Variants in ARHGAP29 observed in about 807,000 individuals in gnomAD.
The protein encoded by ARHGAP29 is Rho GTPase activating protein 29, also known as rho GTPase-activating protein 29.
ARHGAP29 carries 43 observed loss-of-function variants against 122.6 expected under a neutral mutation model. The ratio of observed to expected loss-of-function variants is 0.35; its 90% CI spans 0.27 to 0.45. The LOEUF (loss-of-function observed/expected upper bound fraction) is 0.45, where lower values mean the gene tolerates loss of function less well. ARHGAP29 is among the 20% of genes least tolerant of loss of function. ARHGAP29 has a pLI of 1.00. For synonymous variants in ARHGAP29, 506 were observed against 497.1 expected, an observed-to-expected ratio of 1.02 and a Z score of -0.24; for missense variants, 1,303 against 1,477.2, an observed-to-expected ratio of 0.88 and a Z score of 1.93.
intron 2 of ARHGAP29, among the ~76,000 whole-genome samples, chr1:94,220,776 A>G (rs1652246305): frequency 6.6e-6 from 1 of 152,162 alleles, no homozygotes; most frequent in African/African-American, 2.4e-5. Context: ...TATAAAGATC[A>G]TCATTTAACC....
upstream of ARHGAP29, among the ~76,000 whole-genome samples, chr1:94,275,484 G>A (rs1655148380): frequency 6.6e-6 from 1 of 152,172 alleles, no homozygotes; most frequent in Non-Finnish European, 1.5e-5. Flanking sequence ...GAACAAAAAT[G>A]TGAATCTTGG....
the ARHGAP29 span, among the ~76,000 whole-genome samples, chr1:94,301,623 G>A: frequency 6.6e-5 from 10 of 152,266 alleles, no homozygotes; most frequent in Middle Eastern, 0.01. Context: ...GGGGATGAGG[G>A]TACAGTCATA....
At chr1:94,298,948 G>T in the ARHGAP29 span, among the ~76,000 whole-genome samples, 1 of 152,182 alleles carries the variant, frequency 6.6e-6, no homozygotes, top group African/African-American at 2.4e-5. Context: ...AAATTGCATT[G>T]GGTGGAGGCC....
chr1:94,219,259 A>ACCCTGCACTTTTAAAAT (rs79344459), intron 3 of ARHGAP29, among the ~76,000 whole-genome samples: 144,690 of 152,122 alleles, frequency 0.95, 69,244 homozygotes, highest in East Asian at 1. Flanking sequence ...ACTTCTTAAA[A>ACCCTGCACTTTTAAAAT]TCCATGTCAC....
the ARHGAP29 span, among the ~76,000 whole-genome samples, chr1:94,284,574 C>T: frequency 6.6e-6 from 1 of 152,188 alleles, no homozygotes; most frequent in East Asian, 1.9e-4. Context: ...GCATGGTTGG[C>T]TATGCCTTCT....
At chr1:94,193,567 T>C (rs899968951) in intron 12 of ARHGAP29, 2 of 152,026 alleles carry the variant, frequency 1.3e-5, no homozygotes, top group African/African-American at 2.4e-5. Context: ...CATGCCACAA[T>C]TGGGGAATGA....
At chr1:94,259,539 AAGAAG>A (rs1654480303) in intron 1 of ARHGAP29, among the ~76,000 whole-genome samples, 1 of 152,192 alleles carries the variant, frequency 6.6e-6, no homozygotes, top group Non-Finnish European at 1.5e-5. Context: ...TTGTCCGTAC[AAGAAG>A]AGAAAACAGA....
rs144730337 is a variant in ARHGAP29, at chr1:94,187,250, A to T, written c.1682-653T>A. Among the ~76,000 whole-genome samples the T allele has an allele frequency of 6.4e-3, 982 of 152,330 alleles. 11 individuals are homozygous for T. The highest frequency in any genetic ancestry group is 0.023 in the African/African-American group (947 of 41,580). On this transcript the variant is annotated intron_variant, in intron 15 of 22. Coordinates refer to ENST00000260526, the MANE Select transcript of ARHGAP29 (RefSeq NM_004815.4). Reference sequence around the variant, plus strand: ...TTATTTACTCCCTCTGCACAGGCCTATATCTAAGTGGAAGAATTCACCTTA... The same window carrying T: ...TTATTTACTCCCTCTGCACAGGCCTTTATCTAAGTGGAAGAATTCACCTTA...
At chr1:94,181,259 T>C (rs1375065428) in intron 19 of ARHGAP29, among the ~76,000 whole-genome samples, 2 of 152,224 alleles carry the variant, frequency 1.3e-5, no homozygotes, top group East Asian at 1.9e-4. Flanking sequence ...CTGATTCTGC[T>C]GGAGCTATCT....
intron 2 of ARHGAP29, among the ~76,000 whole-genome samples, chr1:94,229,108 C>G (rs1262368668): frequency 6.6e-6 from 1 of 151,720 alleles, no homozygotes; most frequent in African/African-American, 2.4e-5. Flanking sequence ...AAAAGAAAAA[C>G]AGTGAATGAA....
At chr1:94,229,691 A>G (rs1364169158) in intron 2 of ARHGAP29, among the ~76,000 whole-genome samples, 3 of 151,140 alleles carry the variant, frequency 2.0e-5, no homozygotes, top group Non-Finnish European at 4.5e-5. Flanking sequence ...ATTTCCATAC[A>G]TATCCCTTTA....
At chr1:94,283,171 T>G in the ARHGAP29 span, among the ~76,000 whole-genome samples, 1 of 152,212 alleles carries the variant, frequency 6.6e-6, no homozygotes, top group African/African-American at 2.4e-5. Context: ...AATGAGATTA[T>G]AAACAGGGAG....
intron 16 of ARHGAP29, among the ~76,000 whole-genome samples, chr1:94,186,138 T>A (rs868028180): frequency 1.3e-5 from 2 of 152,220 alleles, no homozygotes; most frequent in African/African-American, 4.8e-5. Flanking sequence ...TTTCTTGCAT[T>A]GTTTCTTTTG....
chr1:94,201,348 C>T (rs191191505), intron 12 of ARHGAP29, among the ~76,000 whole-genome samples: 336 of 152,222 alleles, frequency 2.2e-3, no homozygotes, highest in Non-Finnish European at 2.8e-3. Flanking sequence ...AATCTGCAAA[C>T]TCAACACATT....
intron 2 of ARHGAP29, among the ~76,000 whole-genome samples, chr1:94,221,865 A>T (rs1033713623): frequency 6.6e-6 from 1 of 151,868 alleles, no homozygotes; most frequent in East Asian, 1.9e-4. Flanking sequence ...CTATTCTCCA[A>T]TGAAAGTAAT....
intron 12 of ARHGAP29, among the ~76,000 whole-genome samples, chr1:94,200,792 C>G (rs1042903849): frequency 1.3e-5 from 2 of 152,112 alleles, no homozygotes; most frequent in East Asian, 3.9e-4. Flanking sequence ...AGGTTATATA[C>G]TATATGATTT....
chr1:94,245,497 C>A (rs1475992116), intron 1 of ARHGAP29, among the ~76,000 whole-genome samples: 1 of 152,126 alleles, frequency 6.6e-6, no homozygotes, highest in Non-Finnish European at 1.5e-5. Context: ...GGTATGATTC[C>A]ATTTACATAA....
rs1435064727 is a variant in ARHGAP29, at chr1:94,171,167, G to A, written c.*2702C>T. On this transcript the variant is annotated 3_prime_UTR_variant, in exon 23 of 23. Transcript: ENST00000260526. ...TAACACAACGATAGCTGGGAATAGT[G>A]TAGCCATAGTACCATCTTTAAATCA... Among the ~76,000 whole-genome samples, 1 of 152,158 alleles carries A rather than the reference G, an allele frequency of 6.6e-6. No individual in the cohort carries two copies.
intron 3 of ARHGAP29, among the ~76,000 whole-genome samples, chr1:94,212,602 A>G (rs1313256515): frequency 6.6e-6 from 1 of 152,204 alleles, no homozygotes; most frequent in Non-Finnish European, 1.5e-5. Context: ...TTATCAAACT[A>G]AACATGACTG....
Sources: gnomAD v4.1 joint callset for allele counts (sites outside exome capture counted in the v4.1 genomes callset) on GRCh38, gnomAD v4.1.1 for gene constraint, MANE v1.5 for transcripts, NCBI Gene and HGNC (gene_info 2026-07-23, HGNC 2026-07-21) for gene names.